PCTP: variants seen among roughly 807,000 people sequenced by gnomAD.
PCTP encodes the protein phosphatidylcholine transfer protein, also known as START domain-containing protein 2.
Under a neutral mutation model 31.0 loss-of-function variants are expected in PCTP, and 27 were observed. That is an observed-to-expected ratio of 0.87 (90% CI 0.64 to 1.20). The LOEUF (loss-of-function observed/expected upper bound fraction) is 1.20. Ranked by LOEUF, PCTP falls within the 50% of genes most tolerant of loss-of-function variation. The probability of loss-of-function intolerance (pLI) is 0.00; values close to 1 mark genes in which losing one functional copy is unlikely to be tolerated. For synonymous variants in PCTP, 108 were observed against 101.2 expected (o/e 1.07, Z -0.40); for missense variants, 287 against 268.2 (o/e 1.07, Z -0.49).
chr17:55,824,066 T>C (rs1168601896), downstream of PCTP, among the ~76,000 whole-genome samples: 2 of 152,210 alleles, frequency 1.3e-5, no homozygotes, highest in African/African-American at 4.8e-5. Flanking sequence ...GTTCGGGTGG[T>C]AGCTCCCTTC....
chr17:55,781,526 G>T (rs966498608), downstream of PCTP, among the ~76,000 whole-genome samples: 1 of 152,130 alleles, frequency 6.6e-6, no homozygotes, highest in Non-Finnish European at 1.5e-5. Context: ...AAAACCATCA[G>T]GATATACACC....
intron 5 of PCTP, chr17:55,842,531 C>G (rs1281815294): frequency 2.0e-5 from 3 of 152,084 alleles, no homozygotes; most frequent in African/African-American, 4.8e-5. Flanking sequence ...AAGTGAAGAA[C>G]CAGACTGGAG....
intron 3 of PCTP, among the ~76,000 whole-genome samples, chr17:55,806,946 G>A (rs2145037625): frequency 6.6e-6 from 1 of 152,278 alleles, no homozygotes; most frequent in South Asian, 2.1e-4. Context: ...ATGGATGAGT[G>A]CTAATCTGCT....
At position 55,776,890 on chromosome 17, in the gene PCTP, A is replaced by T. The variant is rs190453563; in HGVS notation, c.*790A>T. On this transcript the variant is annotated 3_prime_UTR_variant, in exon 6 of 6. Transcript: ENST00000268896. ...CTCTCAAGCTTTGCATTTTACTGGA[A>T]ACTGAGGCGTCAAGATGGCTGTGGC... 1.0e-6 allele frequency: 1 copy of T among 992,378 alleles called. No homozygotes were observed. Among genetic ancestry groups the T allele is most frequent in the South Asian group, 4.7e-5 (1 of 21,346 alleles). 61.5% of individuals were successfully genotyped at this position (992,378 alleles called of 1,614,324 possible). A position where few individuals can be genotyped will look rare whatever the true frequency, so the allele number is the denominator to read the frequency against.
At chr17:55,813,913 A>C (rs1013124532) in intron 3 of PCTP, among the ~76,000 whole-genome samples, 2 of 152,130 alleles carry the variant, frequency 1.3e-5, no homozygotes, top group Non-Finnish European at 2.9e-5. Flanking sequence ...ATAGTGGCAC[A>C]TGCCTGTGGT....
At chr17:55,757,622 A>T (rs1910113562) in intron 1 of PCTP, among the ~76,000 whole-genome samples, 1 of 152,082 alleles carries the variant, frequency 6.6e-6, no homozygotes, top group African/African-American at 2.4e-5. Flanking sequence ...CTCATCAATG[A>T]ATAAGTTCTA....
chr17:55,826,959 G>A (rs1332366120), downstream of PCTP, among the ~76,000 whole-genome samples: 2 of 148,202 alleles, frequency 1.3e-5, no homozygotes, highest in African/African-American at 5.0e-5. Flanking sequence ...TTTGTTTGTT[G>A]TTTATTATAG....
chr17:55,772,578 CAAA>C (rs35394658), intron 3 of PCTP, among the ~76,000 whole-genome samples: 8 of 78,572 alleles, frequency 1.0e-4, no homozygotes, highest in Admixed American at 1.5e-4. Flanking sequence ...GACTCTGTCT[CAAA>C]AAAAAAAAAA....
At chr17:55,800,223 GT>G in intron 3 of PCTP, among the ~76,000 whole-genome samples, 1 of 152,126 alleles carries the variant, frequency 6.6e-6, no homozygotes, top group Admixed American at 6.5e-5. Context: ...TCAAATGGGG[GT>G]TTGGTCTTTT....
downstream of PCTP, among the ~76,000 whole-genome samples, chr17:55,823,285 T>C (rs906930359): frequency 1.3e-5 from 2 of 152,236 alleles, no homozygotes; most frequent in South Asian, 2.1e-4. Flanking sequence ...TGCTGATAAA[T>C]TTAAAAATGG....
Position 55,776,311 on chromosome 17 carries a change from T to C in PCTP, c.*211T>C, listed in dbSNP as rs1911327940. The C allele has an allele frequency of 2.9e-6, 4 of 1,363,216 alleles. No homozygotes were observed. The South Asian group carries it at 7.8e-5, about 27-fold the overall frequency. The allele number at this position is 1,363,216 out of a possible 1,614,324, so 84.4% of individuals were successfully genotyped here. ...CATGTTTGCCTGACATCCAGCTCACTCGTCTGCTTCCTTTCTCGCTCCCCC... is the reference window on the plus strand; with the variant it reads ...CATGTTTGCCTGACATCCAGCTCACCCGTCTGCTTCCTTTCTCGCTCCCCC... On this transcript the variant is annotated 3_prime_UTR_variant, in exon 6 of 6. Transcript: ENST00000268896.
chr17:55,772,541 C>A (rs1215445435), intron 3 of PCTP, among the ~76,000 whole-genome samples: 1 of 139,154 alleles, frequency 7.2e-6, no homozygotes, highest in African/African-American at 2.7e-5. Flanking sequence ...GAGCCGAGAT[C>A]GTGACACTCT....
At chr17:55,810,144 A>G (rs1400990735) in intron 3 of PCTP, among the ~76,000 whole-genome samples, 3 of 151,968 alleles carry the variant, frequency 2.0e-5, no homozygotes, top group African/African-American at 7.2e-5. Context: ...CTCAGCCTCC[A>G]TAGTAGCTGG....
intron 1 of PCTP, among the ~76,000 whole-genome samples, chr17:55,752,782 A>G (rs944576124): frequency 9.8e-5 from 15 of 152,370 alleles, no homozygotes; most frequent in Non-Finnish European, 1.0e-4. Context: ...GCTGTGTACT[A>G]GGACCATTGG....
rs368154423 is a variant in PCTP, at chr17:55,789,842, C to T, written c.317+2188C>T. On this transcript the variant is annotated intron_variant, in intron 3 of 3. Coordinates refer to the PCTP transcript ENST00000572536. ...TCCTGATACCAAAACCGGGCAGAGA[C>T]ACAACCAAAAAAGAGAATTTTAGAC... Among the ~76,000 whole-genome samples the T allele has an allele frequency of 8.3e-4, 127 of 152,258 alleles. 3 individuals carry two copies. The South Asian group carries it at 0.025, about 31-fold the overall frequency.
At chr17:55,795,440 G>A (rs1376499398) in intron 3 of PCTP, among the ~76,000 whole-genome samples, 1 of 151,996 alleles carries the variant, frequency 6.6e-6, no homozygotes, top group Non-Finnish European at 1.5e-5. Context: ...TGCATGTGTT[G>A]CCCAGAGAAC....
At chr17:55,825,181 C>T (rs1346538334), downstream of PCTP, among the ~76,000 whole-genome samples, 1 of 152,164 alleles carries the variant, frequency 6.6e-6, no homozygotes, top group African/African-American at 2.4e-5. Context: ...ATGTCGAGGG[C>T]ATGGCTGAAG....
At chr17:55,845,419 C>T (rs1384708346), downstream of PCTP, among the ~76,000 whole-genome samples, 1 of 152,188 alleles carries the variant, frequency 6.6e-6, no homozygotes, top group Non-Finnish European at 1.5e-5. Flanking sequence ...CATCCCCGTT[C>T]CCCGCGGGCT....
chr17:55,778,028 A>G (rs1911424718), downstream of PCTP, among the ~76,000 whole-genome samples: 1 of 152,198 alleles, frequency 6.6e-6, no homozygotes, highest in Non-Finnish European at 1.5e-5. Flanking sequence ...AACTCTGAAA[A>G]TACTAAGAAT....
Sources: gnomAD v4.1 joint callset for allele counts (sites outside exome capture counted in the v4.1 genomes callset) on GRCh38, gnomAD v4.1.1 for gene constraint, MANE v1.5 for transcripts, NCBI Gene and HGNC (gene_info 2026-07-23, HGNC 2026-07-21) for gene names.